ELL: variants seen among roughly 807,000 people sequenced by gnomAD.
ELL encodes elongation factor for RNA polymerase II.
ELL carries 18 observed loss-of-function variants against 64.0 expected under a neutral mutation model. The observed-to-expected ratio is 0.28, with a 90% CI of 0.19 to 0.42. The LOEUF (loss-of-function observed/expected upper bound fraction) is 0.42. Among genes scored for constraint, ELL ranks in the 10% least tolerant of loss-of-function variants. The pLI, the probability that ELL is intolerant of heterozygous loss-of-function variation, is 1.00. For missense variants in ELL, 797 were observed against 870.4 expected (o/e 0.92, Z 1.06); for synonymous variants, 399 against 376.2 (o/e 1.06, Z -0.70).
chr19:18,509,593 G>GCGCGCA (rs1438642062), intron 1 of ELL, among the ~76,000 whole-genome samples: 2 of 83,240 alleles, frequency 2.4e-5, no homozygotes, highest in Non-Finnish European at 2.9e-5. Flanking sequence ...GCGCGCGCGC[G>GCGCGCA]CACATACACA....
At chr19:18,494,117 G>T (rs1975592749) in intron 1 of ELL, among the ~76,000 whole-genome samples, 1 of 152,058 alleles carries the variant, frequency 6.6e-6, no homozygotes, top group Admixed American at 6.5e-5. Context: ...AAAAGTTTCT[G>T]TTTGGAGACT....
In ELL at chr19:18,473,863, C is replaced by T. The variant is rs550495919; in HGVS notation, c.136-981G>A. On this transcript the variant is annotated intron_variant, in intron 1 of 11. Transcript: ENST00000262809. ...AGGTCCAGCCCACTGAGATGCCCTC[C>T]CACCCAGGCCTTGCTCCTGTCCTCA... 8.5e-5 allele frequency among the ~76,000 whole-genome samples: 13 copies of T among 152,282 alleles called. No individual in the cohort carries two copies. The South Asian group carries it at 1.9e-3, about 22-fold the overall frequency.
Position 18,443,298 on chromosome 19 carries a change from C to G in ELL, c.*1454G>C. 4.3e-6 allele frequency: 1 copy of G among 233,268 alleles called. No individual in the cohort carries two copies. The highest frequency in any genetic ancestry group is 8.5e-6 in the Non-Finnish European group (1 of 117,854). 14.4% of individuals were successfully genotyped at this position (233,268 alleles called of 1,614,324 possible). A position where few individuals can be genotyped will look rare whatever the true frequency, so the allele number is the denominator to read the frequency against. On this transcript the variant is annotated 3_prime_UTR_variant, in exon 12 of 12. Transcript: ENST00000262809. ...ACCCGGGGGTCCCAAAGGAGAGAGACTCTCGGGCAGGGGTGGGATACACTG... is the reference window on the plus strand; with the variant it reads ...ACCCGGGGGTCCCAAAGGAGAGAGAGTCTCGGGCAGGGGTGGGATACACTG...
At chr19:18,462,532 C>T (rs1325536774) in intron 4 of ELL, among the ~76,000 whole-genome samples, 1 of 151,900 alleles carries the variant, frequency 6.6e-6, no homozygotes, top group Non-Finnish European at 1.5e-5. Context: ...CACAGGTGTG[C>T]ACCACCATGC....
chr19:18,493,549 G>A (rs940491379), intron 1 of ELL, among the ~76,000 whole-genome samples: 2 of 152,240 alleles, frequency 1.3e-5, no homozygotes. Context: ...TGAACATGGT[G>A]TACTCTCAAC....
chr19:18,501,375 G>A lies in ELL; in HGVS notation c.135+20546C>T, dbSNP rs1353529254. ...AGAGGAATCAAAAACCCTGCTGAGCGAGAGAACGTGGGAAAGGGCCTGGGA... is the reference window on the plus strand; with the variant it reads ...AGAGGAATCAAAAACCCTGCTGAGCAAGAGAACGTGGGAAAGGGCCTGGGA... On this transcript the variant is annotated intron_variant, in intron 1 of 11. Coordinates refer to ENST00000262809, the MANE Select transcript of ELL (RefSeq NM_006532.4). This position sits in a 1 kb window ranked among gnomAD's most constrained non-coding sequence, Gnocchi z 4.5. Among the ~76,000 whole-genome samples, 3 of 152,210 alleles carry A rather than the reference G, an allele frequency of 2.0e-5. No homozygotes were observed. The highest frequency in any genetic ancestry group is 4.4e-5 in the Non-Finnish European group (3 of 68,042).
chr19:18,492,781 G>C (rs560219471), intron 1 of ELL, among the ~76,000 whole-genome samples: 1 of 152,252 alleles, frequency 6.6e-6, no homozygotes, highest in South Asian at 2.1e-4. Flanking sequence ...CCAGCAGCCA[G>C]GCCCAGGCCC....
In ELL at chr19:18,447,675, C is replaced by T. The variant is rs895682857; in HGVS notation, c.1466-861G>A. On this transcript the variant is annotated intron_variant, in intron 8 of 11. Coordinates refer to ENST00000262809, the MANE Select transcript of ELL (RefSeq NM_006532.4). ...GGAGGGGCAGGAAGACTGAAGTGCG[C>T]GTCGCCTAAGACCACAACTACAATT... Among the ~76,000 whole-genome samples, 4 of 152,212 alleles carry T rather than the reference C, an allele frequency of 2.6e-5. 1 individual carries two copies. Among genetic ancestry groups the T allele is most frequent in the South Asian group, 2.1e-4 (1 of 4,834 alleles).
rs371907098 is a variant in ELL, at chr19:18,444,639, G to A, written c.*113C>T. 1.1e-4 allele frequency: 129 copies of A among 1,199,592 alleles called. No homozygotes were observed. In the African/African-American group the frequency reaches 1.6e-3, roughly 15 times the overall value. 74.3% of individuals were successfully genotyped at this position (1,199,592 alleles called of 1,614,324 possible). On this transcript the variant is annotated 3_prime_UTR_variant, in exon 12 of 12. Transcript: ENST00000262809. ...GTCTGCAGGGGCTGCCCTGAAAGCC[G>A]GCGGTGCTGGCTCAGATGAGCATCT...
intron 4 of ELL, among the ~76,000 whole-genome samples, chr19:18,462,364 T>TGTG (rs1555732678): frequency 1.6e-4 from 8 of 49,148 alleles, no homozygotes; most frequent in African/African-American, 3.5e-4. Flanking sequence ...TGTGTGTGTG[T>TGTG]TTGGGCGGGG....
intron 4 of ELL, among the ~76,000 whole-genome samples, chr19:18,464,389 A>G (rs1487234949): frequency 6.6e-6 from 1 of 152,170 alleles, no homozygotes; most frequent in Non-Finnish European, 1.5e-5. Context: ...AACAAAAAAC[A>G]AAACACGCTG....
chr19:18,521,893 CT>C (rs1485914354), intron 1 of ELL, 27 bp downstream of exon 1: 1 of 1,558,434 alleles, frequency 6.4e-7, no homozygotes, highest in East Asian at 2.4e-5. Context: ...ACGTTCCCCA[CT>C]GGCGCGCCGG....
intron 1 of ELL, among the ~76,000 whole-genome samples, chr19:18,495,997 G>T (rs573981376): frequency 2.6e-5 from 4 of 152,206 alleles, no homozygotes; most frequent in Non-Finnish European, 4.4e-5. Context: ...CACAGTGGGC[G>T]TTTGGAGGTG....
Position 18,446,290 on chromosome 19 carries a change from G to A in ELL, c.1704+19C>T. 1 of 1,547,796 alleles carries A rather than the reference G, an allele frequency of 6.5e-7. No homozygotes were observed. Among genetic ancestry groups the A allele is most frequent in the Non-Finnish European group, 8.7e-7 (1 of 1,149,608 alleles). ...CTCCCGCCAGAGCCAGGGCACAGTA[G>A]GCAGCGGGGGGGCTCTACCTCATAC... On this transcript the variant is annotated intron_variant, in intron 10 of 11. Transcript: ENST00000262809.
At chr19:18,488,717 A>C (rs1975467525) in intron 1 of ELL, among the ~76,000 whole-genome samples, 1 of 152,168 alleles carries the variant, frequency 6.6e-6, no homozygotes, top group Non-Finnish European at 1.5e-5. Flanking sequence ...AGGGCTGCGC[A>C]TCTTGGGGGC....
chr19:18,506,305 G>C (rs1448198422), intron 1 of ELL, among the ~76,000 whole-genome samples: 3 of 152,226 alleles, frequency 2.0e-5, no homozygotes, highest in Non-Finnish European at 4.4e-5. Context: ...AGGTGCGCCT[G>C]CTCCTAAGCC....
chr19:18,503,230 G>A (rs780075185), intron 1 of ELL, among the ~76,000 whole-genome samples: 1 of 152,358 alleles, frequency 6.6e-6, no homozygotes, highest in Non-Finnish European at 1.5e-5. Context: ...AGTCAGGGCC[G>A]CGGGTATCTT....
chr19:18,455,359 C>G (rs542013655), intron 6 of ELL, among the ~76,000 whole-genome samples: 1 of 149,940 alleles, frequency 6.7e-6, no homozygotes, highest in African/African-American at 2.5e-5. Flanking sequence ...GGCGTGGTGG[C>G]GGGCACCTGT....
chr19:18,509,589 GCGCGCACATACACACACACACACACA>G (rs1318083672), intron 1 of ELL, among the ~76,000 whole-genome samples: 3 of 110,144 alleles, frequency 2.7e-5, no homozygotes, highest in African/African-American at 4.4e-5. Flanking sequence ...ACGTGCGCGC[GCGCGCACATACACACACACACACACA>G]CACACACACA....
Sources: allele counts gnomAD v4.1 joint callset (sites outside exome capture counted in the v4.1 genomes callset), GRCh38; gene constraint gnomAD v4.1.1; non-coding constraint Gnocchi (gnomAD v3.1); transcripts MANE v1.5; gene names NCBI Gene and HGNC (gene_info 2026-07-23, HGNC 2026-07-21).